The following ADARB1 variants were observed in gnomAD, a reference collection of about 807,000 sequenced individuals.
ADARB1 encodes the protein double-stranded RNA-specific editase 1.
In ADARB1, 10 loss-of-function variants were observed where a neutral mutation model predicts 52.4. That is an observed-to-expected ratio of 0.19 (90% CI 0.12 to 0.32). The LOEUF is 0.32. Among genes scored for constraint, ADARB1 ranks in the 10% least tolerant of loss-of-function variants. The probability of loss-of-function intolerance (pLI) is 1.00; values close to 1 mark genes in which losing one functional copy is unlikely to be tolerated. For missense variants in ADARB1, 643 were observed against 922.3 expected, an observed-to-expected ratio of 0.70 and a Z score of 3.92; for synonymous variants, 349 against 371.1, an observed-to-expected ratio of 0.94 and a Z score of 0.68.
At chr21:45,118,646 C>T (rs943512973) in intron 1 of ADARB1, 4 of 152,256 alleles carry the variant, frequency 2.6e-5, no homozygotes, top group African/African-American at 4.8e-5. Flanking sequence ...CTCTCCTTCT[C>T]TCCCTCCCTG....
chr21:45,129,110 A>T (rs1296190296), intron 2 of ADARB1, among the ~76,000 whole-genome samples: 2 of 152,046 alleles, frequency 1.3e-5, no homozygotes, highest in Non-Finnish European at 1.5e-5. Context: ...GCACGCTTGT[A>T]GTCCCAGCCT....
intron 5 of ADARB1, among the ~76,000 whole-genome samples, chr21:45,181,791 C>T (rs2091941199): frequency 6.6e-6 from 1 of 152,232 alleles, no homozygotes; most frequent in South Asian, 2.1e-4. Context: ...TGGACTTGGG[C>T]AGGTTACAAG....
rs896671356 is a variant in ADARB1, at chr21:45,224,908, T to C, written c.*2711T>C. 2 of 985,498 alleles carry C rather than the reference T, an allele frequency of 2.0e-6. No individual in the cohort carries two copies. Among genetic ancestry groups the C allele is most frequent in the African/African-American group, 1.8e-5 (1 of 57,046 alleles). The allele number at this position is 985,498 out of a possible 1,614,324, so 61.0% of individuals were successfully genotyped here. On this transcript the variant is annotated 3_prime_UTR_variant, in exon 11 of 11. Transcript: ENST00000348831. ...CTTCTGAGCGCTCGGTGTGCACTTT[T>C]AGACTATAGCTGTTTCATTGACGTG...
intron 2 of ADARB1, among the ~76,000 whole-genome samples, chr21:45,158,788 G>A (rs547898120): frequency 2.0e-5 from 3 of 152,084 alleles, no homozygotes; most frequent in Non-Finnish European, 2.9e-5. Context: ...GAATGTACAG[G>A]GCATACAATA....
At chr21:45,076,363 G>A (rs2085935545) in intron 1 of ADARB1, among the ~76,000 whole-genome samples, 1 of 152,202 alleles carries the variant, frequency 6.6e-6, no homozygotes, top group South Asian at 2.1e-4. Flanking sequence ...CCTATATCTT[G>A]CCTGTGGTGG....
intron 8 of ADARB1, among the ~76,000 whole-genome samples, chr21:45,203,482 T>A (rs1488001574): frequency 6.6e-6 from 1 of 152,254 alleles, no homozygotes; most frequent in Non-Finnish European, 1.5e-5. Flanking sequence ...CTTCACACCC[T>A]GTGTATGTAG....
intron 2 of ADARB1, among the ~76,000 whole-genome samples, chr21:45,139,562 G>T (rs2089594885): frequency 6.6e-6 from 1 of 152,222 alleles, no homozygotes; most frequent in South Asian, 2.1e-4. Flanking sequence ...GGTCGAGCAA[G>T]TGTCTCAACT....
chr21:45,187,260 A>T (rs776212235), intron 8 of ADARB1, among the ~76,000 whole-genome samples: 2 of 152,082 alleles, frequency 1.3e-5, no homozygotes, highest in Non-Finnish European at 2.9e-5. Flanking sequence ...TTACTAAGTA[A>T]TTTATTCTTT....
intron 2 of ADARB1, among the ~76,000 whole-genome samples, chr21:45,168,580 A>G (rs1439510610): frequency 6.6e-6 from 1 of 152,166 alleles, no homozygotes; most frequent in African/African-American, 2.4e-5. Context: ...TTGCTTTTGC[A>G]CCTTTGTCCA....
intron 1 of ADARB1, among the ~76,000 whole-genome samples, chr21:45,122,153 C>T (rs1314664499): frequency 3.3e-5 from 5 of 152,170 alleles, no homozygotes; most frequent in South Asian, 2.1e-4. Context: ...TAACTGCACA[C>T]GCGTGCATAG....
chr21:45,185,280 G>A (rs1445203007), intron 8 of ADARB1, among the ~76,000 whole-genome samples, 189 bp downstream of exon 8: 3 of 152,252 alleles, frequency 2.0e-5, no homozygotes, highest in Non-Finnish European at 4.4e-5. Context: ...GCAGCAGCAG[G>A]ACCTAGACAC....
At chr21:45,170,908 C>T (rs2146110785) in intron 2 of ADARB1, among the ~76,000 whole-genome samples, 1 of 152,228 alleles carries the variant, frequency 6.6e-6, no homozygotes, top group African/African-American at 2.4e-5. Flanking sequence ...GTGGTTTCTC[C>T]TGCCAACAAA....
rs1416397017 is a variant in ADARB1 at position 45,074,784 on chromosome 21, T to C, written c.-229T>C. 16 of 145,406 alleles carry C rather than the reference T, an allele frequency of 1.1e-4. No individual in the cohort carries two copies. Among genetic ancestry groups the C allele is most frequent in the Non-Finnish European group, 2.0e-4 (13 of 65,362 alleles). 9.0% of individuals were successfully genotyped at this position (145,406 alleles called of 1,614,324 possible). On this transcript the variant is annotated 5_prime_UTR_variant, in exon 1 of 11. Coordinates refer to ENST00000348831, the MANE Select transcript of ADARB1 (RefSeq NM_001112.4). ...TGCGGAGGACCAGGCGCGGCGCGGC[T>C]GCGGCTGAGGTGAGGGCGGCGCGGG...
At chr21:45,078,513 G>C (rs1568987564) in intron 1 of ADARB1, among the ~76,000 whole-genome samples, 1 of 152,206 alleles carries the variant, frequency 6.6e-6, no homozygotes, top group South Asian at 2.1e-4. Flanking sequence ...TAGGTGGTGA[G>C]GATGGAGTGA....
In ADARB1 at chr21:45,222,241, A is replaced by G; in HGVS notation, c.*44A>G. On this transcript the variant is annotated 3_prime_UTR_variant, in exon 11 of 11. Coordinates refer to ENST00000348831, the MANE Select transcript of ADARB1 (RefSeq NM_001112.4). Reference sequence around the variant, plus strand: ...GGGGTGCAGGGGGCTGTGGGCATCCAGCGTCATCCTCCAGAACCTCACATC... The same window carrying G: ...GGGGTGCAGGGGGCTGTGGGCATCCGGCGTCATCCTCCAGAACCTCACATC... The G allele has an allele frequency of 1.3e-6, 2 of 1,511,428 alleles. No homozygotes were observed. Among genetic ancestry groups the G allele is most frequent in the South Asian group, 2.7e-5 (2 of 74,178 alleles). 93.6% of individuals were successfully genotyped at this position (1,511,428 alleles called of 1,614,324 possible). A position where few individuals can be genotyped will look rare whatever the true frequency, so the allele number is the denominator to read the frequency against.
At chr21:45,108,579 C>T (rs775895083) in intron 1 of ADARB1, among the ~76,000 whole-genome samples, 35 of 152,304 alleles carry the variant, frequency 2.3e-4, no homozygotes, top group Non-Finnish European at 3.8e-4. Context: ...AGGATGCCCC[C>T]GCTCTACTGT....
chr21:45,218,143 C>T (rs1039213047), intron 9 of ADARB1, among the ~76,000 whole-genome samples: 2 of 151,996 alleles, frequency 1.3e-5, no homozygotes, highest in Non-Finnish European at 2.9e-5. Context: ...ATATATTTTC[C>T]GTTCCCCCTT....
At chr21:45,106,683 C>G (rs2087272537) in intron 1 of ADARB1, among the ~76,000 whole-genome samples, 2 of 152,240 alleles carry the variant, frequency 1.3e-5, no homozygotes, top group African/African-American at 4.8e-5. Flanking sequence ...ACAAATTTAA[C>G]TTAACTATAG....
chr21:45,197,490 ACT>A (rs1210357238), intron 8 of ADARB1, among the ~76,000 whole-genome samples: 1 of 143,516 alleles, frequency 7.0e-6, no homozygotes, highest in African/African-American at 2.7e-5. Context: ...ACAGAGCAAG[ACT>A]CTGTCTCAAA....
Sources: allele counts gnomAD v4.1 joint callset (sites outside exome capture counted in the v4.1 genomes callset), GRCh38; gene constraint gnomAD v4.1.1; transcripts MANE v1.5; gene names NCBI Gene and HGNC (gene_info 2026-07-23, HGNC 2026-07-21).